Variants in FCHO1 observed in about 807,000 individuals in gnomAD.
The protein encoded by FCHO1 is FCH and mu domain containing endocytic adaptor 1.
Under a neutral mutation model 114.4 loss-of-function variants are expected in FCHO1, and 45 were observed. The ratio of observed to expected loss-of-function variants is 0.39; its 90% CI spans 0.31 to 0.50. The LOEUF (loss-of-function observed/expected upper bound fraction) is 0.50, where lower values mean the gene tolerates loss of function less well. FCHO1 is among the 20% of genes least tolerant of loss of function. The pLI is 0.77. For missense variants in FCHO1, 1,042 were observed against 1,209.6 expected (o/e 0.86, Z 2.06); for synonymous variants, 480 against 488.9 (o/e 0.98, Z 0.24).
intron 11 of FCHO1, among the ~76,000 whole-genome samples, 170 bp from the exon 12 acceptor site, chr19:17,774,069 T>C (rs1281031590): frequency 6.6e-6 from 1 of 152,048 alleles, no homozygotes; most frequent in Non-Finnish European, 1.5e-5. Flanking sequence ...TGCCACCATG[T>C]CCGGCTTTTT....
Position 17,781,243 on chromosome 19 carries a change from C to T in FCHO1, c.1640C>T (p.Ala547Val), listed in dbSNP as rs1599760150. Residue 547 changes from alanine to valine, a missense_variant, in exon 21 of 29, where the codon GCA becomes GTA. Ala to Val is a moderately conservative substitution (Grantham distance 64). This residue lies in a region of FCHO1 where 455 missense variants were observed against 455.4 expected (regional missense o/e 1.00). Coordinates refer to ENST00000596536, the MANE Select transcript of FCHO1 (RefSeq NM_015122.3). The part of the protein sequence containing the change: ...EALAGGDLMP[A>V]PADPTAREGL... ...TACTCGCTCCTAGACCTGATGCCTG[C>T]ACCTGCTGACCCCACAGCCAGGGAG... The T allele has an allele frequency of 6.2e-7, 1 of 1,613,054 alleles. No individual in the cohort carries two copies. Among genetic ancestry groups the T allele is most frequent in the African/African-American group, 1.3e-5 (1 of 75,030 alleles).
chr19:17,783,402 A>G (rs2093607494), intron 24 of FCHO1, among the ~76,000 whole-genome samples: 1 of 148,916 alleles, frequency 6.7e-6, no homozygotes, highest in Admixed American at 6.7e-5. Context: ...AGTAGCTGGG[A>G]TTACAGGCAC....
At chr19:17,774,787 C>G (rs192333018) in intron 13 of FCHO1, 6 of 581,474 alleles carry the variant, frequency 1.0e-5, no homozygotes, top group Middle Eastern at 4.5e-4. Flanking sequence ...AGGCTAGCCC[C>G]GACTTTCCCT....
At position 17,755,193 on chromosome 19, in the gene FCHO1, T is replaced by G; in HGVS notation, c.27+2T>G. On this transcript the variant is annotated splice_donor_variant, in intron 4 of 28. Coordinates refer to ENST00000596536, the MANE Select transcript of FCHO1 (RefSeq NM_015122.3). LOFTEE classifies it high-confidence loss of function. ...TCGTATTTTGGGGAGCATTTTTGGG[T>G]AAGACCCACTCTTATTTAGGCGGGG... 1 of 1,608,756 alleles carries G rather than the reference T, an allele frequency of 6.2e-7. No individual in the cohort carries two copies. The highest frequency in any genetic ancestry group is 8.5e-7 in the Non-Finnish European group (1 of 1,177,392).
At position 17,774,244 on chromosome 19, in the gene FCHO1, C is replaced by G. The variant is rs2092286158; in HGVS notation, c.796C>G (p.Leu266Val). ...KGTGREKPGP[L>V]DFEAYSAAAL... ...GTTTCCGTCTCCTGTCTCAGGACCT[C>G]TGGACTTCGAGGCATACAGTGCGGC... The change falls in exon 12 of 29, where the codon CTG becomes GTG. Residue 266 changes from leucine (L) to valine (V), a missense_variant. By Grantham distance (32) the Leu-to-Val change is conservative (BLOSUM62 1). Transcript: ENST00000596536. 1.9e-6 allele frequency: 3 copies of G among 1,613,976 alleles called. No individual in the cohort carries two copies. Among genetic ancestry groups the G allele is most frequent in the Admixed American group, 1.7e-5 (1 of 59,982 alleles).
intron 1 of FCHO1, among the ~76,000 whole-genome samples, chr19:17,752,646 C>T (rs1343153307): frequency 1.3e-5 from 2 of 151,716 alleles, no homozygotes; most frequent in Non-Finnish European, 2.9e-5. Context: ...TGGCTGTAAT[C>T]CCAGCACTTT....
intron 6 of FCHO1, among the ~76,000 whole-genome samples, chr19:17,764,925 G>T (rs2088179777): frequency 6.6e-6 from 1 of 151,956 alleles, no homozygotes; most frequent in South Asian, 2.1e-4. Flanking sequence ...TTAGTCGAGT[G>T]TGGTGGCGGG....
intron 18 of FCHO1, among the ~76,000 whole-genome samples, chr19:17,777,088 G>A (rs1035904904): frequency 1.3e-5 from 2 of 152,020 alleles, no homozygotes; most frequent in Non-Finnish European, 2.9e-5. Flanking sequence ...ATGAGCCCTT[G>A]TGCCTGGCCC....
In FCHO1 at chr19:17,776,026, C is replaced by T. The variant is rs147287381; in HGVS notation, c.1047C>T (p.Phe349=). 2.5e-4 allele frequency: 398 copies of T among 1,609,672 alleles called. No homozygotes were observed. Among genetic ancestry groups the T allele is most frequent in the African/African-American group, 7.2e-4 (54 of 74,998 alleles). Residue 349 remains phenylalanine (F), a synonymous_variant, in exon 16 of 29, where the codon TTC becomes TTT. Coordinates refer to ENST00000596536, the MANE Select transcript of FCHO1 (RefSeq NM_015122.3). This position sits in a 1 kb window ranked among gnomAD's most constrained non-coding sequence, Gnocchi z 4.4. ...PSRFSSSDSD[F]DDEEPRKFYV... ...GTTTCTCGTCCAGCGACTCCGACTT[C>T]GACGATGAAGAGCCCCGCAAGTTCT...
chr19:17,770,500 C>A lies in FCHO1; in HGVS notation c.412C>A (p.Arg138Ser). ...SGVSQLLPKS[R>S]ENYLNRCMDQ... ...CGTCAGCCAGCTCCTGCCCAAGTCC[C>A]GCGAGAACTACCTGAACCGTTGCAT... Residue 138 changes from arginine (R) to serine (S), a missense_variant, in exon 8 of 29, where the codon CGC (arginine) becomes AGC (serine). By Grantham distance (110) the Arg-to-Ser change is moderately radical. Around this residue, in one of 3 missense-constraint regions of FCHO1, gnomAD observed 450 missense variants for 564.1 expected, o/e 0.80. Transcript: ENST00000596536. 1 of 1,613,946 alleles carries A rather than the reference C, an allele frequency of 6.2e-7. No homozygotes were observed. The highest frequency in any genetic ancestry group is 8.5e-7 in the Non-Finnish European group (1 of 1,179,896).
intron 4 of FCHO1, among the ~76,000 whole-genome samples, chr19:17,757,081 C>T (rs1395226951): frequency 6.6e-6 from 1 of 150,772 alleles, no homozygotes; most frequent in Non-Finnish European, 1.5e-5. Flanking sequence ...CCCAGCTACT[C>T]GAGAGGCTAA....
chr19:17,785,029 A>T, intron 26 of FCHO1, 105 bp downstream of exon 26: 1 of 1,119,406 alleles, frequency 8.9e-7, no homozygotes, highest in East Asian at 2.5e-5. Context: ...CCTGACCGTT[A>T]ACTGTGAGCC....
At chr19:17,780,074 G>T (rs966743399) in intron 20 of FCHO1, among the ~76,000 whole-genome samples, 1 of 151,794 alleles carries the variant, frequency 6.6e-6, no homozygotes, top group Admixed American at 6.6e-5. Context: ...AGGGCTCCTG[G>T]CACCCTCCAT....
In FCHO1 at chr19:17,788,442, C is replaced by T. The variant is rs530294084; in HGVS notation, c.*136C>T. The T allele has an allele frequency of 3.0e-6, 2 of 657,364 alleles. No individual in the cohort carries two copies. 40.7% of individuals were successfully genotyped at this position (657,364 alleles called of 1,614,324 possible). On this transcript the variant is annotated 3_prime_UTR_variant, in exon 29 of 29. Coordinates refer to ENST00000596536, the MANE Select transcript of FCHO1 (RefSeq NM_015122.3). ...TACTCCACGGAGAGGAGCCCCATGCCCAGCCTGGCTGAGCCCGAGATTCGC... is the reference window on the plus strand; with the variant it reads ...TACTCCACGGAGAGGAGCCCCATGCTCAGCCTGGCTGAGCCCGAGATTCGC...
At chr19:17,778,038 CA>C (rs34991275) in intron 18 of FCHO1, 98 bp from the exon 19 acceptor site, 21,566 of 648,990 alleles carry the variant, frequency 0.033, no homozygotes, top group East Asian at 0.11. Flanking sequence ...GACTCCGTCT[CA>C]AAAAAAAAAA....
chr19:17,764,651 A>ACTC (rs2087973835), intron 6 of FCHO1, among the ~76,000 whole-genome samples: 1 of 146,956 alleles, frequency 6.8e-6, no homozygotes, highest in Non-Finnish European at 1.5e-5. Context: ...TCTGTGTGCC[A>ACTC]AGCACCAGCA....
At chr19:17,782,809 C>T (rs915332811) in intron 23 of FCHO1, among the ~76,000 whole-genome samples, 7 of 152,120 alleles carry the variant, frequency 4.6e-5, no homozygotes, top group African/African-American at 1.7e-4. Flanking sequence ...GGAGATGTTC[C>T]TGCCTCCTTC....
intron 4 of FCHO1, among the ~76,000 whole-genome samples, chr19:17,756,653 C>A (rs974878219): frequency 6.6e-6 from 1 of 152,166 alleles, no homozygotes; most frequent in African/African-American, 2.4e-5. Context: ...CACCGCCACT[C>A]CCACCCCATG....
At chr19:17,781,847 C>T (rs776270126) in intron 23 of FCHO1, 27 bp downstream of exon 23, 49 of 1,483,564 alleles carry the variant, frequency 3.3e-5, no homozygotes, top group African/African-American at 1.3e-4. Context: ...AGACAGGGCC[C>T]GTGGGAAGTC....
Sources: gnomAD v4.1 joint callset for allele counts (sites outside exome capture counted in the v4.1 genomes callset) on GRCh38, gnomAD v4.1.1 for gene constraint, gnomAD v4.1.1 regional missense constraint, Gnocchi (gnomAD v3.1) non-coding constraint, MANE v1.5 for transcripts, NCBI Gene and HGNC (gene_info 2026-07-23, HGNC 2026-07-21) for gene names.